TBC1D30: variants seen among roughly 807,000 people sequenced by gnomAD.
The protein encoded by TBC1D30 is TBC1 domain family, member 30.
In TBC1D30, 31 loss-of-function variants were observed where a neutral mutation model predicts 63.2. The ratio of observed to expected loss-of-function variants is 0.49; its 90% CI spans 0.37 to 0.66. The LOEUF is 0.66. TBC1D30 is among the 30% of genes least tolerant of loss of function. The probability of loss-of-function intolerance (pLI) is 0.00; values close to 1 mark genes in which losing one functional copy is unlikely to be tolerated. For missense variants in TBC1D30, 810 were observed against 953.6 expected (o/e 0.85, Z 1.98); for synonymous variants, 307 against 361.5 (o/e 0.85, Z 1.71).
At chr12:64,759,558 AAAGGG>A in exon 1 of TBC1D30, 11 of 386,164 alleles carry the variant, frequency 2.8e-5, no homozygotes, top group East Asian at 6.1e-5. Context: ...GAACCGGAGA[AAAGGG>A]CGGAGAACCG....
chr12:64,767,795 G>A lies in TBC1D30; in HGVS notation c.-376+8146G>A, dbSNP rs113241300. 5.4e-4 allele frequency among the ~76,000 whole-genome samples: 59 copies of A among 108,550 alleles called. 2 individuals carry two copies. The highest frequency in any genetic ancestry group is 1.8e-3 in the African/African-American group (50 of 28,530). The allele number at this position is 108,550 out of a possible 152,430, so 71.2% of individuals were successfully genotyped here. ...AAGATACACATGCTCCGGCGGGGGG[G>A]GGGGGAGGGGGGGGAGATAGGCTCT... On this transcript the variant is annotated intron_variant, in intron 1 of 13. Transcript: ENST00000674237.
At chr12:64,772,456 G>T (rs1336394060) in intron 1 of TBC1D30, among the ~76,000 whole-genome samples, 2 of 151,846 alleles carry the variant, frequency 1.3e-5, no homozygotes, top group Non-Finnish European at 2.9e-5. Flanking sequence ...TTGAGACAGA[G>T]TCTCACTCTG....
In TBC1D30 at chr12:64,864,560, ATC is replaced by A. The variant is rs1328646768; in HGVS notation, c.1039-106_1039-105del. On this transcript the variant is annotated intron_variant, in intron 8 of 11. Transcript: ENST00000539867. Reference sequence around the variant, plus strand: ...CTCCACCTGCTGTGTAAGGAGCAGTATCTGCCTCTTCACACTCGACTTCATAA... The same window carrying A: ...CTCCACCTGCTGTGTAAGGAGCAGTATGCCTCTTCACACTCGACTTCATAA... 4.2e-6 allele frequency: 3 copies of A among 722,574 alleles called. No individual in the cohort carries two copies. In the African/African-American group the frequency reaches 5.2e-5, roughly 13 times the overall value. 44.8% of individuals were successfully genotyped at this position (722,574 alleles called of 1,614,324 possible).
upstream of TBC1D30, among the ~76,000 whole-genome samples, chr12:64,821,229 C>T (rs1208708372): frequency 6.6e-6 from 1 of 152,182 alleles, no homozygotes. Flanking sequence ...CTGCTATTAA[C>T]TGGTCAGTAT....
intron 8 of TBC1D30, among the ~76,000 whole-genome samples, chr12:64,849,873 A>G (rs1007163250): frequency 1.3e-5 from 2 of 152,350 alleles, no homozygotes; most frequent in Admixed American, 1.3e-4. Context: ...CAGTATGACC[A>G]TTATCATGAT....
rs1873101637 is a variant in TBC1D30, at chr12:64,809,813, C to T, written c.644-18022C>T. On this transcript the variant is annotated intron_variant, in intron 2 of 12. Transcript: ENST00000542120. ...ATGCTACAGATCCAGTCTAATTAATCATGGATCAAAAGCTAAAGCATCCTT... is the reference window on the plus strand; with the variant it reads ...ATGCTACAGATCCAGTCTAATTAATTATGGATCAAAAGCTAAAGCATCCTT... 2.6e-5 allele frequency among the ~76,000 whole-genome samples: 4 copies of T among 152,292 alleles called. No individual in the cohort carries two copies. The South Asian group carries it at 8.3e-4, about 32-fold the overall frequency.
At chr12:64,763,036 A>C (rs891820618) in intron 1 of TBC1D30, among the ~76,000 whole-genome samples, 3 of 151,992 alleles carry the variant, frequency 2.0e-5, no homozygotes, top group African/African-American at 7.3e-5. Context: ...GCTCACTGCA[A>C]CCTCCACGTC....
chr12:64,872,713 T>C (rs1027850688), intron 11 of TBC1D30, among the ~76,000 whole-genome samples: 6 of 152,146 alleles, frequency 3.9e-5, no homozygotes, highest in Non-Finnish European at 5.9e-5. Context: ...TACCTGAGAC[T>C]AGGCAATTTA....
intron 4 of TBC1D30, among the ~76,000 whole-genome samples, chr12:64,831,820 T>A (rs986620844): frequency 7.2e-5 from 11 of 152,322 alleles, no homozygotes; most frequent in African/African-American, 2.2e-4. Context: ...TTACATGAAA[T>A]TATACTGTAA....
At chr12:64,807,108 A>C (rs992263178) in intron 2 of TBC1D30, among the ~76,000 whole-genome samples, 1 of 152,150 alleles carries the variant, frequency 6.6e-6, no homozygotes, top group Non-Finnish European at 1.5e-5. Context: ...CCACATGTGG[A>C]GGGAAGGACC....
intron 1 of TBC1D30, among the ~76,000 whole-genome samples, chr12:64,775,122 T>C (rs973491313): frequency 1.3e-5 from 2 of 150,344 alleles, no homozygotes; most frequent in Non-Finnish European, 3.0e-5. Context: ...TATATAGATA[T>C]AGATATAGAT....
chr12:64,762,708 T>C (rs1294163057), intron 1 of TBC1D30, among the ~76,000 whole-genome samples: 1 of 152,222 alleles, frequency 6.6e-6, no homozygotes, highest in Non-Finnish European at 1.5e-5. Flanking sequence ...TTTTTTCCCC[T>C]TACATTATAT....
chr12:64,798,362 A>G lies in TBC1D30; in HGVS notation c.643+12317A>G, dbSNP rs141822946. ...TGACATTTTGAAGTATTCTGAATCC[A>G]TCTTTCCAATATAATCAGCTAACAA... is the stretch of plus-strand genomic sequence containing the variant. On this transcript the variant is annotated intron_variant, in intron 2 of 12. Coordinates refer to the TBC1D30 transcript ENST00000542120. Among the ~76,000 whole-genome samples, 270 of 152,354 alleles carry G rather than the reference A, an allele frequency of 1.8e-3. 1 individual carries two copies. The highest frequency in any genetic ancestry group is 6.3e-3 in the African/African-American group (263 of 41,584).
rs143559966 is a variant in TBC1D30, at chr12:64,787,081, G to A, written c.643+1036G>A. On this transcript the variant is annotated intron_variant, in intron 2 of 12. Transcript: ENST00000542120. ...ATTAAATAATTGATTTAAAGAAATC[G>A]ATTCTTGTAACAGGACCTTAACAAC... Among the ~76,000 whole-genome samples the A allele has an allele frequency of 8.6e-3, 1,312 of 152,188 alleles. 20 individuals are homozygous for A. The highest frequency in any genetic ancestry group is 0.03 in the African/African-American group (1,240 of 41,528).
rs1263073687 is a variant in TBC1D30, at chr12:64,879,711, G to A, written c.*3923G>A. 2 of 152,174 alleles carry A rather than the reference G, an allele frequency of 1.3e-5. No individual in the cohort carries two copies. Among genetic ancestry groups the A allele is most frequent in the Non-Finnish European group, 2.9e-5 (2 of 68,014 alleles). 9.4% of individuals were successfully genotyped at this position (152,174 alleles called of 1,614,324 possible). A position where few individuals can be genotyped will look rare whatever the true frequency, so the allele number is the denominator to read the frequency against. On this transcript the variant is annotated 3_prime_UTR_variant, in exon 12 of 12. Coordinates refer to ENST00000539867, the MANE Select transcript of TBC1D30 (RefSeq NM_015279.2). The stretch of plus-strand genomic sequence containing the variant: ...AGTAAGATGTTGAGGTTTCTGGTAG[G>A]TGCCTATTATTAGGTTAAGAAAATT...
chr12:64,819,718 G>A (rs1247130687), upstream of TBC1D30, among the ~76,000 whole-genome samples: 1 of 152,134 alleles, frequency 6.6e-6, no homozygotes, highest in Non-Finnish European at 1.5e-5. Context: ...TACTTTAGTA[G>A]GTCTGAGGAA....
chr12:64,837,964 A>T (rs1440019505), intron 6 of TBC1D30, among the ~76,000 whole-genome samples: 1 of 152,196 alleles, frequency 6.6e-6, no homozygotes, highest in Non-Finnish European at 1.5e-5. Flanking sequence ...TTTTGTTTAC[A>T]CTTAGGTATA....
intron 1 of TBC1D30, among the ~76,000 whole-genome samples, chr12:64,763,354 T>G (rs1255833705): frequency 6.6e-6 from 1 of 152,222 alleles, no homozygotes; most frequent in African/African-American, 2.4e-5. Flanking sequence ...ATTTATTACT[T>G]TCATTTGCAG....
chr12:64,861,436 A>G (rs902735373), intron 8 of TBC1D30, among the ~76,000 whole-genome samples: 5 of 152,178 alleles, frequency 3.3e-5, no homozygotes, highest in Admixed American at 2.6e-4. Context: ...AACCCAAAAT[A>G]GTGCCAGATG....
Sources: gnomAD v4.1 joint callset for allele counts (sites outside exome capture counted in the v4.1 genomes callset) on GRCh38, gnomAD v4.1.1 for gene constraint, MANE v1.5 for transcripts, NCBI Gene and HGNC (gene_info 2026-07-23, HGNC 2026-07-21) for gene names.